TACC2: variants seen among roughly 807,000 people sequenced by gnomAD.
TACC2 encodes the protein transforming acidic coiled-coil containing protein 2, also known as transforming acidic coiled-coil-containing protein 2.
Under a neutral mutation model 227.3 loss-of-function variants are expected in TACC2, and 137 were observed. That is an observed-to-expected ratio of 0.60 (90% confidence interval 0.52 to 0.69). The LOEUF (loss-of-function observed/expected upper bound fraction) is 0.69. Ranked by LOEUF, TACC2 falls within the 30% of genes least tolerant of loss-of-function variation. The pLI, the probability that TACC2 is intolerant of heterozygous loss-of-function variation, is 0.00. For missense variants in TACC2, 3,470 were observed against 3,694.4 expected (o/e 0.94, Z 1.57); for synonymous variants, 1,523 against 1,487.5 (o/e 1.02, Z -0.55).
At chr10:122,221,471 GT>G (rs1158658758) in intron 11 of TACC2, among the ~76,000 whole-genome samples, 1 of 152,132 alleles carries the variant, frequency 6.6e-6, no homozygotes, top group Non-Finnish European at 1.5e-5. Context: ...ACACAGCTCT[GT>G]TAGTCCCTCC....
chr10:122,195,199 C>G, intron 8 of TACC2, 23 bp downstream of exon 8: 2 of 1,595,872 alleles, frequency 1.3e-6, no homozygotes, highest in East Asian at 4.5e-5. Flanking sequence ...AGGGAGGCCC[C>G]CAGACAGCCC....
chr10:122,042,099 C>T (rs1326562805), intron 2 of TACC2, among the ~76,000 whole-genome samples: 1 of 152,138 alleles, frequency 6.6e-6, no homozygotes, highest in East Asian at 1.9e-4. Context: ...GCGCCCGCGA[C>T]CACGCCCGGC....
intron 7 of TACC2, among the ~76,000 whole-genome samples, chr10:122,159,481 G>A (rs975258732): frequency 1.3e-5 from 2 of 152,144 alleles, no homozygotes; most frequent in African/African-American, 4.8e-5. Context: ...TCGAATTTTC[G>A]GCAAGGCAGT....
chr10:122,061,690 A>C (rs1355757000), intron 3 of TACC2, among the ~76,000 whole-genome samples: 1 of 152,188 alleles, frequency 6.6e-6, no homozygotes, highest in Non-Finnish European at 1.5e-5. Context: ...CTACAGGTCA[A>C]GCTCTGGGCT....
intron 11 of TACC2, among the ~76,000 whole-genome samples, chr10:122,218,069 T>C (rs1275171372): frequency 6.6e-6 from 1 of 152,088 alleles, no homozygotes; most frequent in Non-Finnish European, 1.5e-5. Flanking sequence ...CTCAGCCTCC[T>C]GAGTAGCTAG....
intron 5 of TACC2, among the ~76,000 whole-genome samples, chr10:122,112,815 C>A (rs888640710): frequency 1.3e-5 from 2 of 152,124 alleles, no homozygotes; most frequent in Admixed American, 6.5e-5. Flanking sequence ...TCCATCGGTC[C>A]GTGCGTCTCT....
At chr10:122,042,265 G>A (rs1212816689) in intron 2 of TACC2, among the ~76,000 whole-genome samples, 1 of 147,804 alleles carries the variant, frequency 6.8e-6, no homozygotes, top group Non-Finnish European at 1.5e-5. Context: ...CTTTTTGAGA[G>A]AGAGTCTCAC....
At chr10:122,189,848 C>T (rs532405458) in intron 7 of TACC2, among the ~76,000 whole-genome samples, 1 of 152,194 alleles carries the variant, frequency 6.6e-6, no homozygotes, top group Non-Finnish European at 1.5e-5. Flanking sequence ...ATTTCCAGCT[C>T]TAGCTGTCAT....
intron 7 of TACC2, among the ~76,000 whole-genome samples, chr10:122,177,804 C>A (rs1341734333): frequency 1.3e-5 from 2 of 152,244 alleles, no homozygotes; most frequent in African/African-American, 4.8e-5. Flanking sequence ...CTGCCATGGT[C>A]CCTGCTAGAA....
rs565921931 is a variant in TACC2 at position 122,118,189 on chromosome 10, A to G, written c.5574-14420A>G. ...GCCACCATGCCCGGCTAATTTTTGT[A>G]TTTTTAGTAGAGTTGGAGTTTCACC... is the stretch of plus-strand genomic sequence containing the variant. On this transcript the variant is annotated intron_variant, in intron 5 of 22. Coordinates refer to ENST00000369005, the MANE Select transcript of TACC2 (RefSeq NM_206862.4). Among the ~76,000 whole-genome samples, 26 of 151,804 alleles carry G rather than the reference A, an allele frequency of 1.7e-4. 1 individual carries two copies. Among genetic ancestry groups the G allele is most frequent in the African/African-American group, 6.0e-4 (25 of 41,412 alleles).
chr10:122,005,635 C>T (rs1285774695), intron 1 of TACC2, among the ~76,000 whole-genome samples: 10 of 150,914 alleles, frequency 6.6e-5, no homozygotes, highest in African/African-American at 1.5e-4. Context: ...CCACCCACCT[C>T]GGCCTCCCAA....
intron 3 of TACC2, among the ~76,000 whole-genome samples, chr10:122,071,643 G>A (rs183804705): frequency 2.7e-5 from 4 of 150,342 alleles, no homozygotes; most frequent in Non-Finnish European, 2.9e-5. Context: ...GGAGGCCGAG[G>A]CAGGTGGATC....
At chr10:122,163,904 G>T in intron 7 of TACC2, 2 of 1,559,746 alleles carry the variant, frequency 1.3e-6, no homozygotes, top group Admixed American at 1.9e-5. Context: ...CGGCTAGCTT[G>T]CACGCCAGGG....
chr10:122,195,388 G>GT (rs1374805863), intron 8 of TACC2, among the ~76,000 whole-genome samples: 2 of 144,946 alleles, frequency 1.4e-5, no homozygotes, highest in African/African-American at 5.7e-5. Context: ...CAGAATTTTA[G>GT]GGGGGGCCTC....
chr10:122,047,847 C>A (rs2075209657), intron 2 of TACC2, among the ~76,000 whole-genome samples: 1 of 152,214 alleles, frequency 6.6e-6, no homozygotes, highest in Non-Finnish European at 1.5e-5. Flanking sequence ...CCCCCACATT[C>A]TATCCTTCAG....
intron 1 of TACC2, among the ~76,000 whole-genome samples, chr10:122,005,613 T>C (rs1051229046): frequency 5.4e-5 from 8 of 148,020 alleles, no homozygotes; most frequent in African/African-American, 7.5e-5. Flanking sequence ...CTCGATCTCC[T>C]GACCTTGTGA....
At chr10:122,203,935 C>T (rs1455711423) in intron 8 of TACC2, among the ~76,000 whole-genome samples, 2 of 151,968 alleles carry the variant, frequency 1.3e-5, no homozygotes, top group African/African-American at 2.4e-5. Flanking sequence ...GCTGGCGGAT[C>T]ACTCGCGGTT....
chr10:122,221,792 G>A (rs2095528633), intron 11 of TACC2, among the ~76,000 whole-genome samples: 1 of 152,172 alleles, frequency 6.6e-6, no homozygotes, highest in South Asian at 2.1e-4. Flanking sequence ...AGCACTTTGA[G>A]CTCCACTTGG....
chr10:122,230,520 A>G, intron 16 of TACC2, 80 bp downstream of exon 16: 1 of 1,341,216 alleles, frequency 7.5e-7, no homozygotes, highest in Non-Finnish European at 1.1e-6. Flanking sequence ...TTTGCTAACC[A>G]TCCGCCAGGC....
Sources: gnomAD v4.1 joint callset for allele counts (sites outside exome capture counted in the v4.1 genomes callset) on GRCh38, gnomAD v4.1.1 for gene constraint, MANE v1.5 for transcripts, NCBI Gene and HGNC (gene_info 2026-07-23, HGNC 2026-07-21) for gene names.